ZSWIM5: variants seen among roughly 807,000 people sequenced by gnomAD.
The protein encoded by ZSWIM5 is zinc finger SWIM domain-containing protein 5.
In ZSWIM5, 55 loss-of-function variants were observed where a neutral mutation model predicts 119.6. The observed-to-expected ratio is 0.46, with a 90% CI of 0.37 to 0.58. ZSWIM5 has a LOEUF of 0.58. Among genes scored for constraint, ZSWIM5 ranks in the 20% least tolerant of loss-of-function variants. The pLI, the probability that ZSWIM5 is intolerant of heterozygous loss-of-function variation, is 0.00. For synonymous variants in ZSWIM5, 537 were observed against 606.9 expected (o/e 0.88, Z 1.69); for missense variants, 1,193 against 1,512.8 (o/e 0.79, Z 3.51).
intron 1 of ZSWIM5, among the ~76,000 whole-genome samples, chr1:45,099,249 C>T (rs1167668459): frequency 2.0e-5 from 3 of 152,102 alleles, no homozygotes; most frequent in African/African-American, 7.2e-5. Context: ...TACAAACTAC[C>T]ATCAGAGAAT....
At chr1:45,185,643 A>G (rs1646053649) in intron 1 of ZSWIM5, among the ~76,000 whole-genome samples, 2 of 152,252 alleles carry the variant, frequency 1.3e-5, no homozygotes, top group Admixed American at 6.5e-5. Flanking sequence ...CAAAAAACAC[A>G]TGAAAAAATG....
intron 1 of ZSWIM5, among the ~76,000 whole-genome samples, chr1:45,160,657 C>CT (rs35617888): frequency 0.33 from 46,755 of 142,600 alleles, 8,446 homozygotes; most frequent in African/African-American, 0.5. Context: ...ATATGTACCA[C>CT]TTTTTTTTTT....
chr1:45,119,280 C>T (rs573951868), intron 1 of ZSWIM5, among the ~76,000 whole-genome samples: 1 of 152,284 alleles, frequency 6.6e-6, no homozygotes, highest in African/African-American at 2.4e-5. Flanking sequence ...ATCCCAACCC[C>T]CTTGTTCTTA....
chr1:45,130,886 C>T (rs1203867306), intron 1 of ZSWIM5, among the ~76,000 whole-genome samples: 1 of 152,188 alleles, frequency 6.6e-6, no homozygotes, highest in Admixed American at 6.6e-5. Context: ...CCATGGAATA[C>T]TACTCAACAA....
At chr1:45,116,773 G>T (rs1645560823) in intron 1 of ZSWIM5, among the ~76,000 whole-genome samples, 1 of 152,056 alleles carries the variant, frequency 6.6e-6, no homozygotes, top group Non-Finnish European at 1.5e-5. Flanking sequence ...ATATTATTCA[G>T]TATGGTCAGC....
intron 1 of ZSWIM5, among the ~76,000 whole-genome samples, chr1:45,170,220 A>C (rs1286329606): frequency 6.6e-6 from 1 of 152,024 alleles, no homozygotes; most frequent in Non-Finnish European, 1.5e-5. Context: ...TAAGTATGTA[A>C]TTTTTGAAAA....
Position 45,040,485 on chromosome 1 carries a change from G to A in ZSWIM5, c.1663C>T (p.Pro555Ser). The change falls in exon 7 of 14, where the codon CCA becomes TCA. Residue 555 changes from proline (P) to serine (S), a missense_variant. Physicochemically the swap from Pro to Ser is moderately conservative, Grantham distance 74. Around this residue, in one of 2 missense-constraint regions of ZSWIM5, gnomAD observed 961 missense variants for 1,290.0 expected, o/e 0.74. Coordinates refer to ENST00000359600, the MANE Select transcript of ZSWIM5 (RefSeq NM_020883.2). ...RVDALRSHGY[P>S]KEALRLTVAI... is the part of the protein sequence containing the mutation. ...ACTGTGAGTCTGAGGGCCTCTTTTGGATAACCATGGGAACGCAGGGCGTCA... is the reference window on the plus strand; with the variant it reads ...ACTGTGAGTCTGAGGGCCTCTTTTGAATAACCATGGGAACGCAGGGCGTCA... 6.2e-7 allele frequency: 1 copy of A among 1,612,508 alleles called. No homozygotes were observed. Among genetic ancestry groups the A allele is most frequent in the South Asian group, 1.1e-5 (1 of 90,546 alleles).
chr1:45,176,092 G>A (rs1645979385), intron 1 of ZSWIM5, among the ~76,000 whole-genome samples: 1 of 150,046 alleles, frequency 6.7e-6, no homozygotes, highest in Non-Finnish European at 1.5e-5. Flanking sequence ...TATTGCTATT[G>A]GGATATTACT....
intron 2 of ZSWIM5, among the ~76,000 whole-genome samples, chr1:45,068,395 G>A (rs72637956): frequency 0.34 from 51,005 of 151,532 alleles, 9,938 homozygotes; most frequent in East Asian, 0.81. Context: ...TGTGAGCCAC[G>A]GTGCCTGGCT....
chr1:45,067,569 A>G (rs185028628), intron 2 of ZSWIM5, among the ~76,000 whole-genome samples: 117 of 152,304 alleles, frequency 7.7e-4, no homozygotes, highest in Middle Eastern at 3.4e-3. Flanking sequence ...AGAGGAGAAA[A>G]TGTAAGATTA....
intron 2 of ZSWIM5, 102 bp downstream of exon 2, chr1:45,087,779 C>T: frequency 1.2e-6 from 1 of 817,392 alleles, no homozygotes; most frequent in South Asian, 1.7e-5. Context: ...ATCCCAACCT[C>T]TTAACATGCA....
At chr1:45,160,421 C>T (rs1645856134) in intron 1 of ZSWIM5, among the ~76,000 whole-genome samples, 1 of 152,144 alleles carries the variant, frequency 6.6e-6, no homozygotes, top group African/African-American at 2.4e-5. Context: ...CCTCTCTTTA[C>T]CCCACCTTCC....
At chr1:45,080,319 C>A (rs1645282421) in intron 2 of ZSWIM5, among the ~76,000 whole-genome samples, 1 of 152,160 alleles carries the variant, frequency 6.6e-6, no homozygotes, top group African/African-American at 2.4e-5. Flanking sequence ...CTGGGACTGG[C>A]AATTCCTCTT....
chr1:45,158,741 A>C (rs925859414), intron 1 of ZSWIM5, among the ~76,000 whole-genome samples: 12 of 152,222 alleles, frequency 7.9e-5, no homozygotes, highest in African/African-American at 2.9e-4. Context: ...TGCTGCCTTA[A>C]ATAGCTGAAC....
At chr1:45,102,334 A>G (rs1489842951) in intron 1 of ZSWIM5, among the ~76,000 whole-genome samples, 1 of 152,170 alleles carries the variant, frequency 6.6e-6, no homozygotes, top group African/African-American at 2.4e-5. Context: ...GAAGTTTCCT[A>G]TACCAGGCAT....
intron 2 of ZSWIM5, among the ~76,000 whole-genome samples, chr1:45,080,348 A>G (rs1187848367): frequency 1.3e-5 from 2 of 152,072 alleles, no homozygotes; most frequent in African/African-American, 4.8e-5. Flanking sequence ...GCTGGTTTAA[A>G]TGCTCCCTCT....
intron 2 of ZSWIM5, among the ~76,000 whole-genome samples, chr1:45,076,116 A>G (rs1195037785): frequency 6.6e-6 from 1 of 152,094 alleles, no homozygotes; most frequent in Non-Finnish European, 1.5e-5. Flanking sequence ...TGATTGGTTC[A>G]TAGTTTAGTC....
At chr1:45,180,894 T>A (rs1646013537) in intron 1 of ZSWIM5, among the ~76,000 whole-genome samples, 1 of 151,950 alleles carries the variant, frequency 6.6e-6, no homozygotes, top group African/African-American at 2.4e-5. Context: ...GAAGGAAAAC[T>A]AACAAACAGA....
At chr1:45,043,523 G>C (rs908711344) in intron 5 of ZSWIM5, 128 bp from the exon 6 acceptor site, 24 of 899,814 alleles carry the variant, frequency 2.7e-5, no homozygotes, top group Non-Finnish European at 3.9e-5. Flanking sequence ...CAGCAGTATT[G>C]AGAACAGGTT....
Sources: gnomAD v4.1 joint callset for allele counts (sites outside exome capture counted in the v4.1 genomes callset) on GRCh38, gnomAD v4.1.1 for gene constraint, gnomAD v4.1.1 regional missense constraint, MANE v1.5 for transcripts, NCBI Gene and HGNC (gene_info 2026-07-23, HGNC 2026-07-21) for gene names.